CDC42SE2: variants seen among roughly 807,000 people sequenced by gnomAD.
The protein encoded by CDC42SE2 is CDC42 small effector 2.
Under a neutral mutation model 11.5 loss-of-function variants are expected in CDC42SE2, and 3 were observed. That is an observed-to-expected ratio of 0.26 (90% CI 0.12 to 0.67). The LOEUF (loss-of-function observed/expected upper bound fraction) is 0.67. CDC42SE2 is among the 30% of genes least tolerant of loss of function. The pLI, the probability that CDC42SE2 is intolerant of heterozygous loss-of-function variation, is 0.80. For missense variants in CDC42SE2, 82 were observed against 106.8 expected (o/e 0.77, Z 1.02); for synonymous variants, 33 against 34.8 (o/e 0.95, Z 0.18).
chr5:131,287,499 C>G (rs564048361), intron 1 of CDC42SE2, among the ~76,000 whole-genome samples: 12 of 149,846 alleles, frequency 8.0e-5, no homozygotes, highest in Non-Finnish European at 1.3e-4. Context: ...GGATCTCACT[C>G]TGATGCCCAG....
chr5:131,212,437 G>A, the CDC42SE2 span, among the ~76,000 whole-genome samples: 1 of 152,114 alleles, frequency 6.6e-6, no homozygotes, highest in Admixed American at 6.6e-5. Context: ...TCTCACCAGT[G>A]ATTTTTTTCC....
the CDC42SE2 span, among the ~76,000 whole-genome samples, chr5:131,228,627 T>G: frequency 6.6e-6 from 1 of 152,204 alleles, no homozygotes; most frequent in Non-Finnish European, 1.5e-5. Context: ...TTACCGTCTT[T>G]TAGGGTGTAT....
chr5:131,348,308 A>G (rs937746967), intron 2 of CDC42SE2, among the ~76,000 whole-genome samples: 1 of 152,236 alleles, frequency 6.6e-6, no homozygotes, highest in Non-Finnish European at 1.5e-5. Context: ...CTCACGATAC[A>G]AAATCAATGT....
At chr5:131,223,288 A>T in the CDC42SE2 span, among the ~76,000 whole-genome samples, 10 of 152,036 alleles carry the variant, frequency 6.6e-5, no homozygotes, top group Non-Finnish European at 1.3e-4. Flanking sequence ...TTCCCCTAAA[A>T]ATACCTGGAG....
intron 1 of CDC42SE2, among the ~76,000 whole-genome samples, chr5:131,312,762 A>G (rs6596012): frequency 0.57 from 86,554 of 151,842 alleles, 28,613 homozygotes; most frequent in Non-Finnish European, 0.76. Flanking sequence ...GACCCCTTGC[A>G]CTTCCCGAGT....
At chr5:131,319,710 T>C (rs1333287066) in intron 2 of CDC42SE2, among the ~76,000 whole-genome samples, 1 of 152,074 alleles carries the variant, frequency 6.6e-6, no homozygotes, top group East Asian at 1.9e-4. Context: ...AATCTAAAAT[T>C]TATAAGGAAA....
At chr5:131,318,772 T>C (rs1758101533) in intron 2 of CDC42SE2, among the ~76,000 whole-genome samples, 1 of 152,220 alleles carries the variant, frequency 6.6e-6, no homozygotes, top group Admixed American at 6.5e-5. Flanking sequence ...TTCTAGCTGA[T>C]ACATCTTTCT....
intron 3 of CDC42SE2, among the ~76,000 whole-genome samples, chr5:131,362,952 G>T (rs1749751831): frequency 6.6e-6 from 1 of 151,944 alleles, no homozygotes; most frequent in Admixed American, 6.6e-5. Context: ...TTCGAGACCA[G>T]CCTGAGCAAC....
chr5:131,335,812 A>G (rs1269916075), intron 2 of CDC42SE2, among the ~76,000 whole-genome samples: 4 of 151,744 alleles, frequency 2.6e-5, no homozygotes, highest in Middle Eastern at 3.2e-3. Context: ...TTTGTTTTCC[A>G]TTTGCTTGGT....
chr5:131,375,239 C>G lies in CDC42SE2; in HGVS notation c.55-10304C>G, dbSNP rs117663091. ...GTCACTATAGATTTGCTTAGAGATT[C>G]TTTTTAAAAACATTTGGGGGTCTCC... On this transcript the variant is annotated intron_variant, in intron 3 of 4. Transcript: ENST00000505065. Among the ~76,000 whole-genome samples, 130 of 117,076 alleles carry G rather than the reference C, an allele frequency of 1.1e-3. 1 individual carries two copies. In the East Asian group the frequency reaches 0.03, roughly 27 times the overall value. The allele number at this position is 117,076 out of a possible 152,430, so 76.8% of individuals were successfully genotyped here.
intron 2 of CDC42SE2, among the ~76,000 whole-genome samples, chr5:131,355,403 A>G (rs1749506569): frequency 6.6e-6 from 1 of 151,762 alleles, no homozygotes; most frequent in African/African-American, 2.4e-5. Flanking sequence ...TTTGAACCCG[A>G]GAGGTCAAGG....
At chr5:131,267,795 G>A (rs1756901626) in intron 1 of CDC42SE2, among the ~76,000 whole-genome samples, 1 of 151,876 alleles carries the variant, frequency 6.6e-6, no homozygotes, top group Admixed American at 6.6e-5. Flanking sequence ...ATTATGAAAG[G>A]GTTTATTTAG....
At chr5:131,372,951 G>A (rs1750052302) in intron 3 of CDC42SE2, among the ~76,000 whole-genome samples, 1 of 152,142 alleles carries the variant, frequency 6.6e-6, no homozygotes. Flanking sequence ...TTGATAAATT[G>A]CAATTTGCTC....
the CDC42SE2 span, among the ~76,000 whole-genome samples, chr5:131,216,512 A>AAACAAAC: frequency 6.7e-6 from 1 of 149,114 alleles, no homozygotes; most frequent in South Asian, 2.1e-4. Context: ...AAAAAAAAAA[A>AAACAAAC]AAAAAAAAAA....
At chr5:131,355,604 C>A (rs996519357) in intron 2 of CDC42SE2, among the ~76,000 whole-genome samples, 1 of 152,120 alleles carries the variant, frequency 6.6e-6, no homozygotes, top group Non-Finnish European at 1.5e-5. Flanking sequence ...CTATAACTGT[C>A]ACAGATCTTT....
chr5:131,222,951 T>A, the CDC42SE2 span, among the ~76,000 whole-genome samples: 1 of 152,258 alleles, frequency 6.6e-6, no homozygotes, highest in African/African-American at 2.4e-5. Context: ...TCCAGCCCTC[T>A]CACCCTGAAA....
At chr5:131,355,348 G>A (rs1749503777) in intron 2 of CDC42SE2, among the ~76,000 whole-genome samples, 1 of 152,030 alleles carries the variant, frequency 6.6e-6, no homozygotes, top group African/African-American at 2.4e-5. Context: ...GTGGTGGCAT[G>A]TACCTGTAGT....
intron 1 of CDC42SE2, among the ~76,000 whole-genome samples, chr5:131,311,237 AAATTCTTTTCTTT>A (rs1173241664): frequency 6.6e-6 from 1 of 150,956 alleles, no homozygotes; most frequent in Non-Finnish European, 1.5e-5. Context: ...TCTGGGTTGA[AAATTCTTTTCTTT>A]AAGAATGTTG....
chr5:131,312,197 C>A (rs904193378), intron 1 of CDC42SE2, among the ~76,000 whole-genome samples: 1 of 151,058 alleles, frequency 6.6e-6, no homozygotes, highest in African/African-American at 2.4e-5. Context: ...GTTGGAGTAC[C>A]TTGCTGTGTG....
Sources: gnomAD v4.1 joint callset for allele counts (sites outside exome capture counted in the v4.1 genomes callset) on GRCh38, gnomAD v4.1.1 for gene constraint, MANE v1.5 for transcripts, NCBI Gene and HGNC (gene_info 2026-07-23, HGNC 2026-07-21) for gene names.